The following GRIN3A variants were observed in gnomAD, a reference collection of about 807,000 sequenced individuals.
GRIN3A encodes glutamate receptor ionotropic, NMDA 3A.
GRIN3A carries 47 observed loss-of-function variants against 92.4 expected under a neutral mutation model. The ratio of observed to expected loss-of-function variants is 0.51; its 90% confidence interval spans 0.40 to 0.65. The LOEUF (loss-of-function observed/expected upper bound fraction) is 0.65. Ranked by LOEUF, GRIN3A falls within the 30% of genes least tolerant of loss-of-function variation. The probability of loss-of-function intolerance (pLI) is 0.00; values close to 1 mark genes in which losing one functional copy is unlikely to be tolerated. For synonymous variants in GRIN3A, 527 were observed against 540.6 expected, an observed-to-expected ratio of 0.97 and a Z score of 0.35; for missense variants, 1,324 against 1,393.1, an observed-to-expected ratio of 0.95 and a Z score of 0.79.
At chr9:101,694,011 AATAT>A (rs1339174444) in intron 1 of GRIN3A, among the ~76,000 whole-genome samples, 1 of 152,160 alleles carries the variant, frequency 6.6e-6, no homozygotes, top group Admixed American at 6.5e-5. Context: ...TATATTAAAG[AATAT>A]ATAACAGAGC....
At chr9:101,595,176 G>A (rs1403300866) in intron 6 of GRIN3A, among the ~76,000 whole-genome samples, 1 of 151,124 alleles carries the variant, frequency 6.6e-6, no homozygotes, top group Admixed American at 6.6e-5. Context: ...GGAGTATAGG[G>A]AGGAGAGAAT....
At chr9:101,687,460 T>A (rs1829553828) in intron 1 of GRIN3A, among the ~76,000 whole-genome samples, 1 of 152,206 alleles carries the variant, frequency 6.6e-6, no homozygotes, top group Admixed American at 6.5e-5. Flanking sequence ...AGTAACACAA[T>A]CATACATTTG....
At chr9:101,721,112 T>C (rs1246414987) in intron 1 of GRIN3A, among the ~76,000 whole-genome samples, 2 of 152,302 alleles carry the variant, frequency 1.3e-5, no homozygotes, top group East Asian at 3.9e-4. Context: ...AAATCTCAAC[T>C]TGAATTGTAT....
At position 101,737,749 on chromosome 9, in the gene GRIN3A, C is replaced by A. The variant is rs1418778429; in HGVS notation, c.231G>T (p.Gln77His). 9.8e-6 allele frequency: 15 copies of A among 1,529,412 alleles called. No homozygotes were observed. Among genetic ancestry groups the A allele is most frequent in the Non-Finnish European group, 1.3e-5 (15 of 1,144,068 alleles). 94.7% of individuals were successfully genotyped at this position (1,529,412 alleles called of 1,614,324 possible). A position where few individuals can be genotyped will look rare whatever the true frequency, so the allele number is the denominator to read the frequency against. Residue 77 changes from glutamine (Q) to histidine (H), a missense_variant, in exon 1 of 9, where the codon CAG becomes CAT. Physicochemically the swap from Gln to His is conservative, Grantham distance 24. Coordinates refer to ENST00000361820, the MANE Select transcript of GRIN3A (RefSeq NM_133445.3). ...TAGTCCCTGGCTCCGGCTCATCCCT[C>A]TGGGCTCCTGCTCGGCTGTCGTCCG... ...RAPDDSRAGA[Q>H]RDEPEPGTRR... is the part of the protein sequence containing the mutation.
intron 6 of GRIN3A, among the ~76,000 whole-genome samples, chr9:101,598,238 T>C (rs1005563425): frequency 6.6e-6 from 1 of 152,244 alleles, no homozygotes; most frequent in African/African-American, 2.4e-5. Flanking sequence ...CTTTTTGTAC[T>C]GTATTTTATA....
rs552029797 is a variant in GRIN3A at position 101,589,042 on chromosome 9, C to T, written c.2767-9682G>A. ...GCAGAATGTAGTGGAGCGATCTCAA[C>T]TCACTGCAACCTCCGCCTTTCTGGT... On this transcript the variant is annotated intron_variant, in intron 6 of 8. Coordinates refer to ENST00000361820, the MANE Select transcript of GRIN3A (RefSeq NM_133445.3). Among the ~76,000 whole-genome samples the T allele has an allele frequency of 5.9e-5, 9 of 152,222 alleles. No homozygotes were observed. The East Asian group carries it at 1.7e-3, about 29-fold the overall frequency.
At position 101,596,642 on chromosome 9, in the gene GRIN3A, T is replaced by C. The variant is rs1483349006; in HGVS notation, c.2766+16734A>G. ...AGGACAGAACTCTATCTTTTGGGCATGCACTGGGGCTGGGAGCCTCTAGAA... is the reference window on the plus strand; with the variant it reads ...AGGACAGAACTCTATCTTTTGGGCACGCACTGGGGCTGGGAGCCTCTAGAA... On this transcript the variant is annotated intron_variant, in intron 6 of 8. Coordinates refer to ENST00000361820, the MANE Select transcript of GRIN3A (RefSeq NM_133445.3). Among the ~76,000 whole-genome samples the C allele has an allele frequency of 3.3e-5, 5 of 152,188 alleles. No individual in the cohort carries two copies. In the East Asian group the frequency reaches 9.7e-4, roughly 29 times the overall value.
At chr9:101,603,952 T>C (rs2118831382) in intron 6 of GRIN3A, among the ~76,000 whole-genome samples, 1 of 152,350 alleles carries the variant, frequency 6.6e-6, no homozygotes, top group Middle Eastern at 3.4e-3. Context: ...TGGCCTTGTT[T>C]GTGTCACGGC....
chr9:101,603,494 A>G (rs565880270), intron 6 of GRIN3A, among the ~76,000 whole-genome samples: 1 of 152,296 alleles, frequency 6.6e-6, no homozygotes, highest in Admixed American at 6.5e-5. Context: ...GTAGACACAC[A>G]GTGGTGGAGC....
At chr9:101,699,475 A>T (rs1829728292) in intron 1 of GRIN3A, among the ~76,000 whole-genome samples, 1 of 152,270 alleles carries the variant, frequency 6.6e-6, no homozygotes, top group Non-Finnish European at 1.5e-5. Flanking sequence ...TAATTTATAG[A>T]ATCACTGTTG....
At chr9:101,714,059 G>C (rs894204521) in intron 1 of GRIN3A, among the ~76,000 whole-genome samples, 1 of 152,094 alleles carries the variant, frequency 6.6e-6, no homozygotes, top group Non-Finnish European at 1.5e-5. Flanking sequence ...AAACAAGGAA[G>C]CAACATGGGC....
chr9:101,737,365 T>G lies in GRIN3A; in HGVS notation c.615A>C (p.Glu205Asp). The change falls in exon 1 of 9, where the codon GAA becomes GAC. Residue 205 changes from glutamate to aspartate, a missense_variant. Coordinates refer to ENST00000361820, the MANE Select transcript of GRIN3A (RefSeq NM_133445.3). ...AGCTGACCAAGTCGAGCTCCATCAT[T>G]TCGCCCTGGCTCTGGGGGAAGGCGA... is the stretch of plus-strand genomic sequence containing the variant. The part of the protein sequence containing the change: ...ALLAFPQSQG[E>D]MMELDLVSLV... The G allele has an allele frequency of 6.2e-7, 1 of 1,614,198 alleles. No homozygotes were observed. Among genetic ancestry groups the G allele is most frequent in the South Asian group, 1.1e-5 (1 of 91,084 alleles).
At chr9:101,609,408 G>A (rs1828329162) in intron 6 of GRIN3A, among the ~76,000 whole-genome samples, 1 of 152,184 alleles carries the variant, frequency 6.6e-6, no homozygotes, top group African/African-American at 2.4e-5. Flanking sequence ...AACAAAATGG[G>A]ATGGCAGGTT....
intron 3 of GRIN3A, among the ~76,000 whole-genome samples, chr9:101,649,968 A>G (rs1290868315): frequency 6.6e-6 from 1 of 152,044 alleles, no homozygotes; most frequent in Non-Finnish European, 1.5e-5. Context: ...CAAAGAGTGG[A>G]GCACTGTTTA....
At chr9:101,660,219 A>G (rs1037068389) in intron 3 of GRIN3A, among the ~76,000 whole-genome samples, 1 of 151,864 alleles carries the variant, frequency 6.6e-6, no homozygotes, top group Admixed American at 6.6e-5. Flanking sequence ...TACATCTCTG[A>G]GACTCGGTTC....
At chr9:101,616,071 T>A (rs1272784775) in intron 5 of GRIN3A, among the ~76,000 whole-genome samples, 1 of 152,226 alleles carries the variant, frequency 6.6e-6, no homozygotes, top group Non-Finnish European at 1.5e-5. Flanking sequence ...ATATCCACCT[T>A]GGTCACTGCT....
chr9:101,669,131 G>A (rs1357197111), intron 3 of GRIN3A, among the ~76,000 whole-genome samples: 4 of 151,772 alleles, frequency 2.6e-5, no homozygotes, highest in Admixed American at 1.3e-4. Context: ...ATGCACTGCA[G>A]CTTCAGATCT....
intron 1 of GRIN3A, among the ~76,000 whole-genome samples, chr9:101,701,499 C>A (rs771767765): frequency 2.0e-4 from 31 of 152,050 alleles, no homozygotes; most frequent in Non-Finnish European, 3.8e-4. Flanking sequence ...GGGCCCCTAC[C>A]TTTCACCATA....
At chr9:101,674,811 A>G (rs1349027569) in intron 2 of GRIN3A, among the ~76,000 whole-genome samples, 1 of 152,062 alleles carries the variant, frequency 6.6e-6, no homozygotes, top group African/African-American at 2.4e-5. Context: ...ATGTAAGAGG[A>G]GGTAGTAAGC....
Sources: gnomAD v4.1 joint callset for allele counts (sites outside exome capture counted in the v4.1 genomes callset) on GRCh38, gnomAD v4.1.1 for gene constraint, MANE v1.5 for transcripts, NCBI Gene and HGNC (gene_info 2026-07-23, HGNC 2026-07-21) for gene names.